ZNF536: variants seen among roughly 807,000 people sequenced by gnomAD.
ZNF536 encodes the protein zinc finger protein 536.
In ZNF536, 13 loss-of-function variants were observed where a neutral mutation model predicts 84.5. The ratio of observed to expected loss-of-function variants is 0.15; its 90% CI spans 0.10 to 0.24. The LOEUF (loss-of-function observed/expected upper bound fraction) is 0.24. Ranked by LOEUF, ZNF536 falls within the 10% of genes least tolerant of loss-of-function variation. The pLI, the probability that ZNF536 is intolerant of heterozygous loss-of-function variation, is 1.00. For synonymous variants in ZNF536, 811 were observed against 742.5 expected (o/e 1.09, Z -1.50); for missense variants, 1,536 against 1,747.5 (o/e 0.88, Z 2.16).
At chr19:30,409,765 T>G (rs1014733256) in intron 1 of ZNF536, among the ~76,000 whole-genome samples, 2 of 152,262 alleles carry the variant, frequency 1.3e-5, no homozygotes, top group African/African-American at 4.8e-5. Context: ...TTTAACAAAG[T>G]GGTACACCGT....
intron 1 of ZNF536, among the ~76,000 whole-genome samples, chr19:30,605,171 T>C (rs1223757905): frequency 6.6e-6 from 1 of 152,160 alleles, no homozygotes; most frequent in East Asian, 1.9e-4. Flanking sequence ...AAATGCTTTT[T>C]TTGTTTGTTT....
intron 1 of ZNF536, among the ~76,000 whole-genome samples, chr19:30,597,275 A>C (rs1313364521): frequency 6.6e-6 from 1 of 152,200 alleles, no homozygotes; most frequent in African/African-American, 2.4e-5. Flanking sequence ...ACTCTCCTCA[A>C]GTTTACAACA....
At chr19:30,309,622 T>C (rs1339737065) in intron 2 of ZNF536, among the ~76,000 whole-genome samples, 4 of 152,264 alleles carry the variant, frequency 2.6e-5, no homozygotes, top group Non-Finnish European at 1.5e-5. Flanking sequence ...GGACATCATT[T>C]GTAACACTGC....
At chr19:30,676,267 T>C (rs922618456) in intron 1 of ZNF536, among the ~76,000 whole-genome samples, 2 of 152,262 alleles carry the variant, frequency 1.3e-5, no homozygotes, top group South Asian at 4.1e-4. Context: ...TCCTTGCCTC[T>C]ACTGTGAGCA....
chr19:30,516,129 G>A (rs1049127649), intron 2 of ZNF536, among the ~76,000 whole-genome samples: 9 of 152,102 alleles, frequency 5.9e-5, no homozygotes, highest in African/African-American at 2.2e-4. Context: ...TTTATCCACA[G>A]AGAGACAAGG....
chr19:30,520,907 A>G (rs533985199), intron 2 of ZNF536, among the ~76,000 whole-genome samples: 60 of 152,348 alleles, frequency 3.9e-4, no homozygotes, highest in South Asian at 3.7e-3. Context: ...ACAAACACAC[A>G]GCTCGGAAGT....
intron 1 of ZNF536, among the ~76,000 whole-genome samples, chr19:30,701,054 A>G (rs921551893): frequency 6.6e-6 from 1 of 152,192 alleles, no homozygotes; most frequent in Non-Finnish European, 1.5e-5. Context: ...ACGTGGATGC[A>G]GGACGCCCTT....
intron 1 of ZNF536, among the ~76,000 whole-genome samples, chr19:30,278,270 C>A (rs533783247): frequency 6.6e-6 from 1 of 152,240 alleles, no homozygotes; most frequent in East Asian, 1.9e-4. Context: ...AAAGGCAAGG[C>A]AAGGCAGGGC....
At chr19:30,410,061 T>C (rs1010660233) in intron 1 of ZNF536, among the ~76,000 whole-genome samples, 49 of 152,156 alleles carry the variant, frequency 3.2e-4, no homozygotes, top group African/African-American at 6.3e-4. Flanking sequence ...AGTATTTCAC[T>C]TGGAAAAATA....
chr19:30,394,649 T>C (rs1338409511), intron 1 of ZNF536, among the ~76,000 whole-genome samples: 3 of 152,174 alleles, frequency 2.0e-5, no homozygotes, highest in African/African-American at 4.8e-5. Flanking sequence ...TGGTAATTGT[T>C]TGCCCCACCT....
intron 2 of ZNF536, among the ~76,000 whole-genome samples, chr19:30,325,418 G>T (rs545378910): frequency 6.6e-6 from 1 of 152,292 alleles, no homozygotes; most frequent in Admixed American, 6.5e-5. Flanking sequence ...CTCCCTTTTG[G>T]TGGTGGGCTT....
intron 1 of ZNF536, among the ~76,000 whole-genome samples, chr19:30,440,657 G>A (rs1017829212): frequency 2.0e-5 from 3 of 152,172 alleles, no homozygotes; most frequent in African/African-American, 4.8e-5. Flanking sequence ...AAAGTAACAT[G>A]TTGGGACAGA....
At chr19:30,479,965 G>A (rs1438453314) in intron 2 of ZNF536, among the ~76,000 whole-genome samples, 4 of 152,230 alleles carry the variant, frequency 2.6e-5, no homozygotes, top group Non-Finnish European at 4.4e-5. Context: ...AAGGGAGCCC[G>A]CGCTGGGCTC....
intron 2 of ZNF536, among the ~76,000 whole-genome samples, chr19:30,468,458 G>C (rs1175720022): frequency 6.6e-6 from 1 of 152,154 alleles, no homozygotes; most frequent in African/African-American, 2.4e-5. Flanking sequence ...GCCAGGCACA[G>C]GGCAGGTGCT....
At chr19:30,410,294 C>T (rs1270863047) in intron 1 of ZNF536, among the ~76,000 whole-genome samples, 5 of 151,922 alleles carry the variant, frequency 3.3e-5, no homozygotes, top group Admixed American at 6.6e-5. Flanking sequence ...TTTGTATTCA[C>T]ACATTGCACA....
intron 1 of ZNF536, among the ~76,000 whole-genome samples, chr19:30,415,533 A>T (rs1472384613): frequency 6.6e-6 from 1 of 151,040 alleles, no homozygotes; most frequent in Admixed American, 6.6e-5. Flanking sequence ...TTCAAACGTA[A>T]TTCTTTTTAT....
intron 2 of ZNF536, among the ~76,000 whole-genome samples, chr19:30,285,453 A>G (rs572266576): frequency 6.6e-6 from 1 of 152,276 alleles, no homozygotes; most frequent in South Asian, 2.1e-4. Flanking sequence ...AAGAAGAAAA[A>G]AAATTGTTGG....
intron 2 of ZNF536, among the ~76,000 whole-genome samples, chr19:30,463,571 C>T (rs368957202): frequency 1.1e-3 from 175 of 152,314 alleles, no homozygotes; most frequent in African/African-American, 3.8e-3. Flanking sequence ...GTCTTTCCAT[C>T]ATGCTTCCCT....
At chr19:30,373,657 C>G (rs1348723719) in intron 1 of ZNF536, among the ~76,000 whole-genome samples, 2 of 152,194 alleles carry the variant, frequency 1.3e-5, no homozygotes, top group Non-Finnish European at 2.9e-5. Context: ...TCAATGAGAG[C>G]ACACCTGGGT....
Sources: allele counts gnomAD v4.1 joint callset (sites outside exome capture counted in the v4.1 genomes callset), GRCh38; gene constraint gnomAD v4.1.1; transcripts MANE v1.5; gene names NCBI Gene and HGNC (gene_info 2026-07-23, HGNC 2026-07-21).